The following SENP6 variants were observed in gnomAD, a reference collection of about 807,000 sequenced individuals.
The protein encoded by SENP6 is sentrin-specific protease 6.
A neutral mutation model predicts 134.5 loss-of-function variants in SENP6; 41 were observed. The ratio of observed to expected loss-of-function variants is 0.30; its 90% confidence interval spans 0.24 to 0.40. The LOEUF (loss-of-function observed/expected upper bound fraction) is 0.40, where lower values mean the gene tolerates loss of function less well. Among genes scored for constraint, SENP6 ranks in the 10% least tolerant of loss-of-function variants. The pLI, the probability that SENP6 is intolerant of heterozygous loss-of-function variation, is 1.00. For synonymous variants in SENP6, 395 were observed against 429.8 expected (o/e 0.92, Z 1.00); for missense variants, 1,248 against 1,312.5 (o/e 0.95, Z 0.76).
Position 75,670,623 on chromosome 6 carries a change from T to C in SENP6, c.1295T>C (p.Leu432Ser), listed in dbSNP as rs190298113. 6.8e-6 allele frequency: 11 copies of C among 1,613,666 alleles called. No individual in the cohort carries two copies. In the African/African-American group the frequency reaches 1.2e-4, roughly 18 times the overall value. Residue 432 changes from leucine to serine, a missense_variant, in exon 11 of 24, where the codon TTA becomes TCA. Physicochemically the swap from Leu to Ser is moderately radical, Grantham distance 145. Around this residue, in one of 3 missense-constraint regions of SENP6, gnomAD observed 733 missense variants for 725.4 expected, o/e 1.01. Transcript: ENST00000447266. ...KVFSQEPPDA[L>S]ALSCQSSFDS... ...TTTTCTCAAGAACCTCCAGATGCTT[T>C]AGCTTTAAGCTGCCAAAGTTCCTTT...
intron 7 of SENP6, 26 bp from the exon 8 acceptor site, chr6:75,659,236 A>C (rs750217071): frequency 6.4e-6 from 10 of 1,552,602 alleles, no homozygotes; most frequent in Non-Finnish European, 8.7e-6. Flanking sequence ...TAAAACTTAA[A>C]GTTTATTTTT....
Position 75,639,998 on chromosome 6 carries a change from G to A in SENP6, c.459-686G>A, listed in dbSNP as rs72654723. ...GTTTGATTTAACCATTCCCTTATTA[G>A]TAGATACTGAAGTTGTTTCTGAATT... On this transcript the variant is annotated intron_variant, in intron 5 of 23. Transcript: ENST00000447266. 0.011 allele frequency among the ~76,000 whole-genome samples: 1,612 copies of A among 152,192 alleles called. 61 individuals are homozygous for A. In the East Asian group the frequency reaches 0.14, roughly 13 times the overall value.
At position 75,695,795 on chromosome 6, in the gene SENP6, A is replaced by G. The variant is rs1050880190; in HGVS notation, c.2076-9A>G. ...ATTAATTATATTTGAATTATTTTCT[A>G]TCAAATAGATACTTGGTGCTTGAAA... is the stretch of plus-strand genomic sequence containing the variant. On this transcript the variant is annotated splice_polypyrimidine_tract_variant and intron_variant, in intron 16 of 23. Coordinates refer to ENST00000447266, the MANE Select transcript of SENP6 (RefSeq NM_015571.4). The G allele has an allele frequency of 1.3e-6, 2 of 1,553,202 alleles. No individual in the cohort carries two copies. Among genetic ancestry groups the G allele is most frequent in the East Asian group, 2.3e-5 (1 of 44,320 alleles).
At chr6:75,663,645 T>A in intron 9 of SENP6, 127 bp downstream of exon 9, 1 of 710,226 alleles carries the variant, frequency 1.4e-6, no homozygotes, top group Non-Finnish European at 2.2e-6. Context: ...CTAATCTTGT[T>A]CTCATCCTGT....
At chr6:75,672,737 G>GT (rs1772771292) in intron 11 of SENP6, among the ~76,000 whole-genome samples, 1 of 152,116 alleles carries the variant, frequency 6.6e-6, no homozygotes, top group African/African-American at 2.4e-5. Context: ...TATGTTTAAT[G>GT]TTTTATAAAA....
At chr6:75,693,478 C>T (rs748831223) in intron 16 of SENP6, among the ~76,000 whole-genome samples, 3 of 150,898 alleles carry the variant, frequency 2.0e-5, no homozygotes, top group Non-Finnish European at 4.4e-5. Context: ...TCATGGTTCA[C>T]TCATTACAGT....
chr6:75,660,904 T>C lies in SENP6; in HGVS notation c.696+1497T>C, dbSNP rs183495815. Among the ~76,000 whole-genome samples the C allele has an allele frequency of 2.0e-5, 3 of 152,278 alleles. No homozygotes were observed. The East Asian group carries it at 5.8e-4, about 29-fold the overall frequency. ...CCTCAGCCTTCCAAAGTGCTGGGAT[T>C]ACAGGCGTGAGCCACCGCGCCTGGC... On this transcript the variant is annotated intron_variant, in intron 8 of 23. Coordinates refer to ENST00000447266, the MANE Select transcript of SENP6 (RefSeq NM_015571.4).
At chr6:75,691,551 C>T (rs1774250081) in intron 16 of SENP6, among the ~76,000 whole-genome samples, 1 of 152,084 alleles carries the variant, frequency 6.6e-6, no homozygotes, top group South Asian at 2.1e-4. Context: ...AAGAAATTCC[C>T]ATAAGGCTTT....
rs769994479 is a variant in SENP6, at chr6:75,677,055, A to G, written c.1647A>G (p.Leu549=). Residue 549 remains leucine (L), a synonymous_variant, in exon 14 of 24, where the codon TTA becomes TTG. Transcript: ENST00000447266. ...LTNLEEQYII[L]IFQNGLDPPA... is the part of the protein sequence containing the mutation. ...ATTTAGAAGAACAATATATAATTTT[A>G]ATTTTTCAAAATGGCCTTGATCCTC... The G allele has an allele frequency of 6.4e-7, 1 of 1,555,720 alleles. No individual in the cohort carries two copies. The highest frequency in any genetic ancestry group is 8.8e-7 in the Non-Finnish European group (1 of 1,132,710).
chr6:75,704,801 G>A (rs983797618), intron 19 of SENP6, among the ~76,000 whole-genome samples: 1 of 152,124 alleles, frequency 6.6e-6, no homozygotes, highest in African/African-American at 2.4e-5. Flanking sequence ...TTGTGCCCCT[G>A]GTTTATCGAG....
chr6:75,661,400 A>G (rs1394632385), intron 8 of SENP6, among the ~76,000 whole-genome samples: 1 of 152,150 alleles, frequency 6.6e-6, no homozygotes, highest in Non-Finnish European at 1.5e-5. Flanking sequence ...CTCCCTAAAT[A>G]CAACATCTTT....
intron 5 of SENP6, among the ~76,000 whole-genome samples, chr6:75,640,470 T>C (rs1296019478): frequency 1.5e-5 from 2 of 133,186 alleles, no homozygotes; most frequent in African/African-American, 4.9e-5. Flanking sequence ...TTTTTGTGTA[T>C]TCATCTTCCT....
intron 19 of SENP6, among the ~76,000 whole-genome samples, chr6:75,708,885 C>T (rs1430162489): frequency 6.6e-6 from 1 of 151,996 alleles, no homozygotes; most frequent in Non-Finnish European, 1.5e-5. Context: ...CAGAGCAAGA[C>T]CCCGTCTCAA....
chr6:75,701,685 G>T (rs1224172093), intron 18 of SENP6, among the ~76,000 whole-genome samples: 2 of 131,888 alleles, frequency 1.5e-5, no homozygotes, highest in African/African-American at 3.0e-5. Flanking sequence ...TGTCGCCCAG[G>T]GTGGAGTGCA....
intron 16 of SENP6, chr6:75,679,877 C>T (rs1461183799): frequency 6.6e-6 from 1 of 152,116 alleles, no homozygotes; most frequent in Non-Finnish European, 1.5e-5. Context: ...ATGCTGGAAT[C>T]TGCTGAATTG....
At chr6:75,607,431 T>G (rs1237663672) in intron 1 of SENP6, among the ~76,000 whole-genome samples, 1 of 152,178 alleles carries the variant, frequency 6.6e-6, no homozygotes, top group Non-Finnish European at 1.5e-5. Context: ...CTATAAACTT[T>G]CTTTTGATAT....
chr6:75,639,716 A>G (rs1561994524), intron 5 of SENP6, among the ~76,000 whole-genome samples: 1 of 152,140 alleles, frequency 6.6e-6, no homozygotes, highest in Non-Finnish European at 1.5e-5. Flanking sequence ...GAACTTTTAT[A>G]CATTGGACTT....
intron 3 of SENP6, among the ~76,000 whole-genome samples, chr6:75,624,943 A>G (rs994192177): frequency 6.6e-6 from 1 of 152,108 alleles, no homozygotes; most frequent in Non-Finnish European, 1.5e-5. Context: ...GACTACCTGG[A>G]CAACATAGTG....
rs775535147 is a variant in SENP6 at position 75,675,884 on chromosome 6, T to C, written c.1451T>C (p.Ile484Thr). ...GAACCAGACCATGATCCTGTAGAGA[T>C]TATATTAAATACCTCTGATCTAACT... ...LDEPDHDPVE[I>T]ILNTSDLTKC... Residue 484 changes from isoleucine to threonine, a missense_variant, in exon 13 of 24, where the codon ATT (isoleucine) becomes ACT (threonine). Ile to Thr is a moderately conservative substitution (Grantham distance 89). Transcript: ENST00000447266. 3.7e-6 allele frequency: 6 copies of C among 1,600,320 alleles called. No homozygotes were observed. In the African/African-American group the frequency reaches 8.1e-5, roughly 22 times the overall value.
Sources: allele counts gnomAD v4.1 joint callset (sites outside exome capture counted in the v4.1 genomes callset), GRCh38; gene constraint gnomAD v4.1.1; regional missense constraint gnomAD v4.1.1; transcripts MANE v1.5; gene names NCBI Gene and HGNC (gene_info 2026-07-23, HGNC 2026-07-21).